The following TRANK1 variants were observed in gnomAD, a reference collection of about 807,000 sequenced individuals.
The protein encoded by TRANK1 is TPR and ankyrin repeat-containing protein 1.
In TRANK1, 198 loss-of-function variants were observed where a neutral mutation model predicts 266.0. The ratio of observed to expected loss-of-function variants is 0.74; its 90% confidence interval spans 0.66 to 0.84. TRANK1 has a LOEUF of 0.84. TRANK1 is among the 40% of genes least tolerant of loss of function. The pLI is 0.00. For missense variants in TRANK1, 3,326 were observed against 3,634.6 expected, an observed-to-expected ratio of 0.92 and a Z score of 2.18; for synonymous variants, 1,396 against 1,384.1, an observed-to-expected ratio of 1.01 and a Z score of -0.19.
intron 1 of TRANK1, among the ~76,000 whole-genome samples, chr3:36,938,393 A>G (rs1036600502): frequency 5.9e-5 from 9 of 151,394 alleles, no homozygotes; most frequent in Non-Finnish European, 1.0e-4. Context: ...TAATTTTTGT[A>G]TTTTTAGTAG....
At chr3:36,880,719 T>C (rs2079517941) in intron 8 of TRANK1, 1 of 152,754 alleles carries the variant, frequency 6.5e-6, no homozygotes, top group Non-Finnish European at 1.5e-5. Context: ...TGTAGTTTAA[T>C]TGGAGGCCAT....
chr3:36,852,619 AAAG>A (rs1259429059), intron 13 of TRANK1, among the ~76,000 whole-genome samples: 3 of 152,006 alleles, frequency 2.0e-5, no homozygotes, highest in Non-Finnish European at 4.4e-5. Context: ...ATTACCTCAC[AAAG>A]AAGAGTCAAG....
At chr3:36,918,972 C>T (rs2080177208) in intron 1 of TRANK1, among the ~76,000 whole-genome samples, 1 of 152,116 alleles carries the variant, frequency 6.6e-6, no homozygotes, top group Non-Finnish European at 1.5e-5. Context: ...GGTGGGTTTG[C>T]AGTATTCAAA....
intron 22 of TRANK1, 36 bp from the exon 23 acceptor site, chr3:36,829,698 T>C (rs1377525359): frequency 6.2e-7 from 1 of 1,602,772 alleles, no homozygotes; most frequent in Non-Finnish European, 8.5e-7. Flanking sequence ...TGAGTAAAGA[T>C]GCCATTGCAG....
chr3:36,878,728 T>C (rs940410494), intron 8 of TRANK1, among the ~76,000 whole-genome samples: 2 of 146,384 alleles, frequency 1.4e-5, no homozygotes, highest in Admixed American at 1.4e-4. Flanking sequence ...AGTTTACCTA[T>C]ATAATAAACC....
At chr3:36,919,929 GT>G (rs1417397395) in intron 1 of TRANK1, among the ~76,000 whole-genome samples, 1 of 152,092 alleles carries the variant, frequency 6.6e-6, no homozygotes, top group African/African-American at 2.4e-5. Context: ...AGAGTTGTTT[GT>G]TTTGTTTTTA....
chr3:36,922,668 C>T (rs763152768), intron 1 of TRANK1, among the ~76,000 whole-genome samples: 10 of 151,786 alleles, frequency 6.6e-5, no homozygotes, highest in South Asian at 6.2e-4. Flanking sequence ...CCCAGCTACT[C>T]GGGAGGCTGA....
chr3:36,855,643 G>C lies in TRANK1; in HGVS notation c.4079C>G (p.Ala1360Gly). 6.2e-7 allele frequency: 1 copy of C among 1,613,766 alleles called. No homozygotes were observed. The highest frequency in any genetic ancestry group is 8.5e-7 in the Non-Finnish European group (1 of 1,179,862). The part of the protein sequence containing the change: ...IKSFLKGSFE[A>G]LSCPHGRLTE... ...GAGTCTCCCATGGGGACAGCTGAGGGCCTCAAAAGAACCCTTTAGAAAAGA... is the reference window on the plus strand; with the variant it reads ...GAGTCTCCCATGGGGACAGCTGAGGCCCTCAAAAGAACCCTTTAGAAAAGA... Residue 1360 changes from alanine to glycine, a missense_variant, in exon 13 of 24, where the codon GCC becomes GGC. Ala to Gly is a moderately conservative substitution (Grantham distance 60). Coordinates refer to ENST00000645898, the MANE Select transcript of TRANK1 (RefSeq NM_001329998.2).
chr3:36,920,782 G>A (rs2080203088), intron 1 of TRANK1, among the ~76,000 whole-genome samples: 1 of 152,176 alleles, frequency 6.6e-6, no homozygotes, highest in African/African-American at 2.4e-5. Context: ...CATCAATTTG[G>A]GGAGAATCCT....
At chr3:36,839,386 C>T (rs1351048007) in intron 18 of TRANK1, among the ~76,000 whole-genome samples, 2 of 152,326 alleles carry the variant, frequency 1.3e-5, no homozygotes, top group South Asian at 4.1e-4. Flanking sequence ...GCAGGAAGTT[C>T]ACATTCTGCC....
At chr3:36,876,084 AACCACC>A (rs1325245928) in intron 8 of TRANK1, among the ~76,000 whole-genome samples, 1 of 152,234 alleles carries the variant, frequency 6.6e-6, no homozygotes, top group Non-Finnish European at 1.5e-5. Context: ...AAAATTTGAA[AACCACC>A]AACAAATAAG....
At position 36,881,295 on chromosome 3, in the gene TRANK1, T is replaced by C. The variant is rs2079528101; in HGVS notation, c.908-6999A>G. ...GGTAAAACCCCATCTCTACTAAAAA[T>C]ACAAAAATTAGCCAGGCATGGTGGC... On this transcript the variant is annotated intron_variant, in intron 8 of 23. Transcript: ENST00000645898. Among the ~76,000 whole-genome samples, 3 of 151,856 alleles carry C rather than the reference T, an allele frequency of 2.0e-5. No individual in the cohort carries two copies. The South Asian group carries it at 6.2e-4, about 32-fold the overall frequency.
At chr3:36,852,775 TAAAA>T (rs761417309) in intron 13 of TRANK1, among the ~76,000 whole-genome samples, 2,031 of 120,150 alleles carry the variant, frequency 0.017, 29 homozygotes, top group African/African-American at 0.049. Flanking sequence ...CCATCTCAAT[TAAAA>T]AAAAAAAAAA....
intron 8 of TRANK1, among the ~76,000 whole-genome samples, chr3:36,875,043 A>C (rs1453470016): frequency 6.6e-6 from 1 of 151,060 alleles, no homozygotes; most frequent in Non-Finnish European, 1.5e-5. Context: ...CATATTTCCC[A>C]CCCATCGAGA....
intron 8 of TRANK1, among the ~76,000 whole-genome samples, chr3:36,882,433 TA>T (rs2079544787): frequency 6.6e-6 from 1 of 152,138 alleles, no homozygotes; most frequent in African/African-American, 2.4e-5. Context: ...GACTTTTAAA[TA>T]AATAGTGCAG....
intron 9 of TRANK1, among the ~76,000 whole-genome samples, chr3:36,867,148 T>C (rs1411376413): frequency 2.6e-5 from 4 of 151,234 alleles, no homozygotes; most frequent in Non-Finnish European, 5.9e-5. Context: ...CCCATCTTCA[T>C]CCTAAAATAC....
At chr3:36,896,779 G>A (rs1270583043) in intron 4 of TRANK1, among the ~76,000 whole-genome samples, 9 of 152,196 alleles carry the variant, frequency 5.9e-5, no homozygotes, top group Non-Finnish European at 1.3e-4. Flanking sequence ...CAGATCACCT[G>A]AGGTCAGGAA....
intron 15 of TRANK1, among the ~76,000 whole-genome samples, chr3:36,847,607 A>C (rs914613328): frequency 4.9e-4 from 75 of 152,218 alleles, no homozygotes; most frequent in Non-Finnish European, 1.2e-4. Context: ...CTTCCAGGGA[A>C]GAATGCTAAG....
chr3:36,887,786 G>C (rs1175850306), intron 8 of TRANK1, among the ~76,000 whole-genome samples: 1 of 152,196 alleles, frequency 6.6e-6, no homozygotes, highest in Admixed American at 6.5e-5. Flanking sequence ...AGAGCTAGTT[G>C]TTTGCCAGAA....
Sources: allele counts gnomAD v4.1 joint callset (sites outside exome capture counted in the v4.1 genomes callset), GRCh38; gene constraint gnomAD v4.1.1; transcripts MANE v1.5; gene names NCBI Gene and HGNC (gene_info 2026-07-23, HGNC 2026-07-21).